Variants in SLC9C2 observed in about 807,000 individuals in gnomAD.
SLC9C2 encodes the protein sodium/hydrogen exchanger 11.
SLC9C2 carries 75 observed loss-of-function variants against 140.2 expected under a neutral mutation model. The ratio of observed to expected loss-of-function variants is 0.53; its 90% CI spans 0.44 to 0.65. SLC9C2 has a LOEUF of 0.65. Among genes scored for constraint, SLC9C2 ranks in the 30% least tolerant of loss-of-function variants. The probability of loss-of-function intolerance (pLI) is 0.00; values close to 1 mark genes in which losing one functional copy is unlikely to be tolerated. For missense variants in SLC9C2, 1,074 were observed against 1,331.8 expected, an observed-to-expected ratio of 0.81 and a Z score of 3.01; for synonymous variants, 375 against 420.9, an observed-to-expected ratio of 0.89 and a Z score of 1.34.
At chr1:173,559,122 CAT>C (rs1317447886) in intron 9 of SLC9C2, among the ~76,000 whole-genome samples, 1 of 152,238 alleles carries the variant, frequency 6.6e-6, no homozygotes, top group African/African-American at 2.4e-5. Context: ...TCAGCTTACA[CAT>C]GAGCTCTCGT....
chr1:173,553,901 A>T (rs927011073), intron 11 of SLC9C2, among the ~76,000 whole-genome samples: 1 of 152,228 alleles, frequency 6.6e-6, no homozygotes, highest in Non-Finnish European at 1.5e-5. Context: ...GGATCAGGCC[A>T]TGGCATATTG....
At chr1:173,551,565 A>G (rs1663311996) in intron 11 of SLC9C2, among the ~76,000 whole-genome samples, 1 of 152,178 alleles carries the variant, frequency 6.6e-6, no homozygotes, top group South Asian at 2.1e-4. Context: ...AATTCTCACA[A>G]TATTTCAAAC....
chr1:173,596,371 T>A (rs1170386815), intron 4 of SLC9C2: 1 of 152,222 alleles, frequency 6.6e-6, no homozygotes, highest in Non-Finnish European at 1.5e-5. Context: ...AAAGTGGTTG[T>A]ACCATTTTGC....
At chr1:173,597,760 G>T in intron 4 of SLC9C2, 144 bp downstream of exon 4, 1 of 765,572 alleles carries the variant, frequency 1.3e-6, no homozygotes, top group Non-Finnish European at 1.9e-6. Context: ...ATTCTTTTTA[G>T]TTAGTAGTTC....
intron 13 of SLC9C2, among the ~76,000 whole-genome samples, chr1:173,542,761 C>T (rs1662528080): frequency 6.6e-6 from 1 of 152,170 alleles, no homozygotes; most frequent in Admixed American, 6.5e-5. Flanking sequence ...ACAAAAACCA[C>T]ATGATTATCT....
intron 17 of SLC9C2, among the ~76,000 whole-genome samples, chr1:173,531,820 C>T (rs1166171289): frequency 6.6e-6 from 1 of 152,182 alleles, no homozygotes; most frequent in Non-Finnish European, 1.5e-5. Flanking sequence ...AGTATGACTT[C>T]TAAAATAATT....
chr1:173,578,614 T>A (rs1461167890), intron 7 of SLC9C2, among the ~76,000 whole-genome samples: 1 of 152,182 alleles, frequency 6.6e-6, no homozygotes, highest in Non-Finnish European at 1.5e-5. Context: ...AGAAATGTAT[T>A]GTCTCACAGT....
chr1:173,518,057 G>A (rs1224741457), intron 22 of SLC9C2, among the ~76,000 whole-genome samples: 2 of 152,020 alleles, frequency 1.3e-5, no homozygotes, highest in African/African-American at 2.4e-5. Flanking sequence ...TCAAGAGTTC[G>A]GGACCAGCCT....
chr1:173,521,078 G>A (rs1000632597), intron 22 of SLC9C2, among the ~76,000 whole-genome samples: 18 of 152,118 alleles, frequency 1.2e-4, no homozygotes, highest in Non-Finnish European at 2.6e-4. Flanking sequence ...TTCCTCCCAG[G>A]ATTGCTGGAA....
chr1:173,602,480 CAT>C (rs979024081), intron 1 of SLC9C2, among the ~76,000 whole-genome samples: 1 of 152,160 alleles, frequency 6.6e-6, no homozygotes, highest in African/African-American at 2.4e-5. Context: ...AAGGTTTGAT[CAT>C]ATGATGCCTT....
At chr1:173,531,737 C>T (rs1661592367) in intron 17 of SLC9C2, among the ~76,000 whole-genome samples, 1 of 152,208 alleles carries the variant, frequency 6.6e-6, no homozygotes, top group South Asian at 2.1e-4. Flanking sequence ...GCCCATAGAG[C>T]TGTCACTCCC....
At chr1:173,583,694 C>A in intron 5 of SLC9C2, 72 bp from the exon 6 acceptor site, 3 of 795,494 alleles carry the variant, frequency 3.8e-6, no homozygotes, top group Middle Eastern at 2.5e-4. Flanking sequence ...GAAGCAGAAA[C>A]AGAAGAGAAA....
At chr1:173,552,067 G>C (rs1372412542) in intron 11 of SLC9C2, among the ~76,000 whole-genome samples, 1 of 152,142 alleles carries the variant, frequency 6.6e-6, no homozygotes, top group Non-Finnish European at 1.5e-5. Context: ...AAGATTGAGT[G>C]GTCTGAATAG....
intron 4 of SLC9C2, among the ~76,000 whole-genome samples, chr1:173,595,614 C>T (rs914172938): frequency 6.6e-6 from 1 of 151,746 alleles, no homozygotes; most frequent in Non-Finnish European, 1.5e-5. Flanking sequence ...CCAGAAATGC[C>T]TGCCACCAAA....
intron 4 of SLC9C2, among the ~76,000 whole-genome samples, chr1:173,592,253 G>C (rs912804215): frequency 6.6e-6 from 1 of 152,150 alleles, no homozygotes; most frequent in Non-Finnish European, 1.5e-5. Flanking sequence ...ATGCTGTTTT[G>C]ATTACTGTAG....
At chr1:173,539,084 C>G (rs1662186418) in intron 13 of SLC9C2, among the ~76,000 whole-genome samples, 1 of 152,158 alleles carries the variant, frequency 6.6e-6, no homozygotes, top group African/African-American at 2.4e-5. Flanking sequence ...ACCCATTTAA[C>G]TTTATTTAAG....
intron 23 of SLC9C2, among the ~76,000 whole-genome samples, chr1:173,513,975 G>C (rs575693975): frequency 1.3e-5 from 2 of 152,278 alleles, no homozygotes; most frequent in South Asian, 4.1e-4. Context: ...GGTTTTGAGT[G>C]AGTTTCTCAA....
intron 5 of SLC9C2, among the ~76,000 whole-genome samples, chr1:173,585,087 T>C (rs1385021321): frequency 6.6e-6 from 1 of 152,214 alleles, no homozygotes; most frequent in African/African-American, 2.4e-5. Flanking sequence ...TCAATTGAGA[T>C]CATACTAACA....
intron 8 of SLC9C2, among the ~76,000 whole-genome samples, chr1:173,574,667 C>T (rs560506046): frequency 5.3e-5 from 8 of 151,934 alleles, no homozygotes; most frequent in Admixed American, 3.3e-4. Context: ...CCCGCCACCA[C>T]GCCCGGCTAA....
Sources: gnomAD v4.1 joint callset for allele counts (sites outside exome capture counted in the v4.1 genomes callset) on GRCh38, gnomAD v4.1.1 for gene constraint, MANE v1.5 for transcripts, NCBI Gene and HGNC (gene_info 2026-07-23, HGNC 2026-07-21) for gene names.